Variants in SNTG2 observed in about 807,000 individuals in gnomAD.
The protein encoded by SNTG2 is syntrophin gamma 2.
SNTG2 carries 74 observed loss-of-function variants against 70.9 expected under a neutral mutation model. That is an observed-to-expected ratio of 1.04 (90% CI 0.86 to 1.27). SNTG2 has a LOEUF of 1.27. SNTG2 is among the 50% of genes most tolerant of loss of function. The probability of loss-of-function intolerance (pLI) is 0.00; values close to 1 mark genes in which losing one functional copy is unlikely to be tolerated. For missense variants in SNTG2, 717 were observed against 690.7 expected (o/e 1.04, Z -0.43); for synonymous variants, 278 against 273.8 (o/e 1.02, Z -0.15).
chr2:1,103,088 A>C (rs906405805), intron 4 of SNTG2, among the ~76,000 whole-genome samples: 21 of 152,182 alleles, frequency 1.4e-4, no homozygotes, highest in African/African-American at 5.1e-4. Flanking sequence ...CAGGGGACTC[A>C]GGATTCACAG....
chr2:1,253,414 C>A (rs1472304268), intron 12 of SNTG2, among the ~76,000 whole-genome samples: 1 of 152,208 alleles, frequency 6.6e-6, no homozygotes, highest in Non-Finnish European at 1.5e-5. Flanking sequence ...GCACCATCGT[C>A]CTTCATTCCA....
intron 14 of SNTG2, among the ~76,000 whole-genome samples, chr2:1,308,097 G>T (rs960530776): frequency 4.6e-5 from 7 of 152,278 alleles, no homozygotes; most frequent in Non-Finnish European, 7.4e-5. Context: ...ACATGCTTGT[G>T]GGCCTCATGC....
In SNTG2 at chr2:1,267,553, G is replaced by A. The variant is rs541159387; in HGVS notation, c.1266G>A (p.Met422Ile). 10 of 1,613,032 alleles carry A rather than the reference G, an allele frequency of 6.2e-6. 1 individual carries two copies. The African/African-American group carries it at 1.2e-4, about 19-fold the overall frequency. ...WEKSFQRATFMEVQRTGSRTY... is the reference protein window; with the variant it reads ...WEKSFQRATFIEVQRTGSRTY... ...AGTCCTTCCAAAGAGCCACGTTCAT[G>A]GAAGTTCAGAGAACCGGGGTAAGTG... Residue 422 changes from methionine (M) to isoleucine (I), a missense_variant, in exon 14 of 17, where the codon ATG (methionine) becomes ATA (isoleucine). By Grantham distance (10) the Met-to-Ile change is conservative. Transcript: ENST00000308624.
chr2:1,106,015 T>G (rs142930343), intron 4 of SNTG2, among the ~76,000 whole-genome samples: 7,615 of 145,568 alleles, frequency 0.052, 423 homozygotes, highest in South Asian at 0.16. Flanking sequence ...TCCTTGGTAA[T>G]AATGGACACG....
intron 13 of SNTG2, among the ~76,000 whole-genome samples, chr2:1,266,544 C>T (rs780388618): frequency 2.0e-5 from 3 of 152,206 alleles, no homozygotes; most frequent in Admixed American, 6.5e-5. Context: ...CCTGGGTGGC[C>T]GGGTGCCTTG....
At chr2:1,127,119 T>A (rs1415382543) in intron 4 of SNTG2, among the ~76,000 whole-genome samples, 1 of 15,134 alleles carries the variant, frequency 6.6e-5, no homozygotes, top group Non-Finnish European at 1.5e-4. Context: ...TTTGATCTAT[T>A]TTGAGTTGAT....
chr2:1,269,473 A>G (rs1452880569), intron 14 of SNTG2, among the ~76,000 whole-genome samples: 1 of 152,016 alleles, frequency 6.6e-6, no homozygotes, highest in Non-Finnish European at 1.5e-5. Flanking sequence ...GTGAGCTATG[A>G]TGGCACCACT....
chr2:1,214,632 G>GT (rs1489323442), intron 9 of SNTG2, among the ~76,000 whole-genome samples: 3 of 152,012 alleles, frequency 2.0e-5, no homozygotes, highest in Non-Finnish European at 4.4e-5. Context: ...AAGTCTAACA[G>GT]TTTTTTTGAG....
rs1381354306 is a variant in SNTG2 at position 1,034,797 on chromosome 2, A to AGTTCT, written c.73-48719_73-48718insTCTGT. ...TGGGAGACTTCAACACTCCACTGATAGTATTAGATCATTGAGGCAGAAAAT... is the reference window on the plus strand; with the variant it reads ...TGGGAGACTTCAACACTCCACTGATAGTTCTGTATTAGATCATTGAGGCAGAAAAT... On this transcript the variant is annotated intron_variant, in intron 1 of 16. Transcript: ENST00000308624. Among the ~76,000 whole-genome samples, 51 of 152,372 alleles carry AGTTCT rather than the reference A, an allele frequency of 3.3e-4. 1 individual carries two copies. The highest frequency in any genetic ancestry group is 1.2e-3 in the African/African-American group (49 of 41,586).
At chr2:1,292,474 A>G (rs761572420) in intron 14 of SNTG2, among the ~76,000 whole-genome samples, 2 of 152,110 alleles carry the variant, frequency 1.3e-5, no homozygotes, top group African/African-American at 2.4e-5. Context: ...TATGATGTTA[A>G]TGTGGGCTTT....
At position 1,202,948 on chromosome 2, in the gene SNTG2, A is replaced by G. The variant is rs140515814; in HGVS notation, c.592-6155A>G. On this transcript the variant is annotated intron_variant, in intron 8 of 16. Transcript: ENST00000308624. The stretch of plus-strand genomic sequence containing the variant: ...ACTGGCAGAGATGGGAAAAACACAG[A>G]GAAATCCACAATCAAAATGGGAGAT... Among the ~76,000 whole-genome samples the G allele has an allele frequency of 5.5e-3, 833 of 152,306 alleles. 6 individuals are homozygous for G. The highest frequency in any genetic ancestry group is 0.019 in the African/African-American group (771 of 41,562).
At chr2:1,065,721 A>G (rs1169956040) in intron 1 of SNTG2, among the ~76,000 whole-genome samples, 1 of 101,556 alleles carries the variant, frequency 9.8e-6, no homozygotes, top group Non-Finnish European at 2.3e-5. Context: ...TGAAATTTGC[A>G]GTTATTTTTT....
At chr2:1,321,118 T>C (rs1055209524) in intron 16 of SNTG2, among the ~76,000 whole-genome samples, 14 of 152,310 alleles carry the variant, frequency 9.2e-5, no homozygotes, top group African/African-American at 3.4e-4. Flanking sequence ...ATTGTTCCTA[T>C]TGTCAGGAAA....
intron 14 of SNTG2, among the ~76,000 whole-genome samples, chr2:1,282,543 T>C (rs1679590888): frequency 6.6e-6 from 1 of 152,188 alleles, no homozygotes; most frequent in Non-Finnish European, 1.5e-5. Context: ...GCTTTTTAAT[T>C]ATAATCCCCA....
At chr2:1,024,033 T>C (rs1382708472) in intron 1 of SNTG2, among the ~76,000 whole-genome samples, 1 of 152,180 alleles carries the variant, frequency 6.6e-6, no homozygotes, top group African/African-American at 2.4e-5. Context: ...GATGGTGATA[T>C]TTATTTGTGA....
chr2:1,311,582 G>A (rs1159873394), intron 15 of SNTG2, among the ~76,000 whole-genome samples: 1 of 152,186 alleles, frequency 6.6e-6, no homozygotes, highest in African/African-American at 2.4e-5. Flanking sequence ...TTTGGCGTCA[G>A]TAGGCTTTCG....
At chr2:994,430 T>C (rs1010723791) in intron 1 of SNTG2, among the ~76,000 whole-genome samples, 25 of 152,232 alleles carry the variant, frequency 1.6e-4, no homozygotes, top group African/African-American at 6.0e-4. Flanking sequence ...GCCTTGATTA[T>C]TGTTCCTTGG....
chr2:1,260,014 C>T (rs545044552), intron 13 of SNTG2, among the ~76,000 whole-genome samples: 2 of 152,344 alleles, frequency 1.3e-5, no homozygotes, highest in South Asian at 2.1e-4. Context: ...GGCCGGGTGC[C>T]ACCGTGTCCT....
At chr2:1,364,513 T>C (rs1320958067) in intron 16 of SNTG2, among the ~76,000 whole-genome samples, 8 of 151,624 alleles carry the variant, frequency 5.3e-5, no homozygotes, top group Admixed American at 2.0e-4. Flanking sequence ...TCCCAGCACT[T>C]TGGGAGGCCG....
Sources: allele counts gnomAD v4.1 joint callset (sites outside exome capture counted in the v4.1 genomes callset), GRCh38; gene constraint gnomAD v4.1.1; transcripts MANE v1.5; gene names NCBI Gene and HGNC (gene_info 2026-07-23, HGNC 2026-07-21).